The following ARHGEF10 variants were observed in gnomAD, a reference collection of about 807,000 sequenced individuals.
ARHGEF10 encodes Rho guanine nucleotide exchange factor (GEF) 10.
ARHGEF10 carries 140 observed loss-of-function variants against 147.4 expected under a neutral mutation model. The observed-to-expected ratio is 0.95, with a 90% confidence interval of 0.83 to 1.09. ARHGEF10 has a LOEUF of 1.09. ARHGEF10 is among the 50% of genes least tolerant of loss of function. ARHGEF10 has a pLI of 0.00. For missense variants in ARHGEF10, 2,222 were observed against 1,752.7 expected (o/e 1.27, Z -4.78); for synonymous variants, 902 against 695.8 (o/e 1.30, Z -4.67).
Position 1,894,528 on chromosome 8 carries a change from G to C in ARHGEF10, c.1396G>C (p.Glu466Gln), listed in dbSNP as rs143508005. 2.2e-5 allele frequency: 36 copies of C among 1,614,056 alleles called. No homozygotes were observed. Among genetic ancestry groups the C allele is most frequent in the Non-Finnish European group, 2.8e-5 (33 of 1,180,030 alleles). ...FQIALASRVS[E>Q]WDSVEMIGDV... The stretch of plus-strand genomic sequence containing the variant: ...GATCGCGCTGGCCAGCCGCGTTTCC[G>C]AGTGGGACTCCGTGGAAATGATAGG... Residue 466 changes from glutamate (E) to glutamine (Q), a missense_variant, in exon 13 of 29, where the codon GAG becomes CAG. By Grantham distance (29) the Glu-to-Gln change is conservative (BLOSUM62 2). Coordinates refer to ENST00000349830, the MANE Select transcript of ARHGEF10 (RefSeq NM_014629.4).
At chr8:1,838,785 A>C (rs79353777) in intron 1 of ARHGEF10, among the ~76,000 whole-genome samples, 8,688 of 143,232 alleles carry the variant, frequency 0.061, 367 homozygotes, top group African/African-American at 0.12. Context: ...GATGTGGGGG[A>C]CATCCAGCTT....
intron 18 of ARHGEF10, among the ~76,000 whole-genome samples, chr8:1,920,539 G>A (rs1040405452): frequency 5.3e-5 from 8 of 151,964 alleles, no homozygotes; most frequent in African/African-American, 1.9e-4. Context: ...TGTTGCCCAG[G>A]CTGGTCTTGA....
chr8:1,866,475 T>A (rs758487762), intron 5 of ARHGEF10, 51 bp from the exon 6 acceptor site: 1 of 1,559,624 alleles, frequency 6.4e-7, no homozygotes, highest in South Asian at 1.1e-5. Context: ...GGCATCCTAG[T>A]GACTTGGGCT....
intron 27 of ARHGEF10, 35 bp from the exon 28 acceptor site, chr8:1,952,670 A>T (rs780023226): frequency 6.2e-7 from 1 of 1,612,180 alleles, no homozygotes; most frequent in South Asian, 1.1e-5. Context: ...TGCTACACAA[A>T]CCAGACCCGA....
intron 1 of ARHGEF10, among the ~76,000 whole-genome samples, chr8:1,832,347 G>C (rs1803171047): frequency 6.6e-6 from 1 of 151,534 alleles, no homozygotes; most frequent in Admixed American, 6.6e-5. Context: ...GGGAGAGAGA[G>C]ACAGAGACAG....
At chr8:1,833,594 C>G (rs979709676) in intron 1 of ARHGEF10, among the ~76,000 whole-genome samples, 10 of 152,198 alleles carry the variant, frequency 6.6e-5, no homozygotes, top group Non-Finnish European at 1.2e-4. Flanking sequence ...AGCCCCCACC[C>G]CCAGGATGCT....
At chr8:1,889,875 G>C (rs566857016) in intron 11 of ARHGEF10, among the ~76,000 whole-genome samples, 15 of 143,146 alleles carry the variant, frequency 1.0e-4, no homozygotes, top group African/African-American at 3.7e-4. Context: ...AGTGTGGTGA[G>C]GGTTTGTGAG....
Position 1,893,620 on chromosome 8 carries a change from G to A in ARHGEF10, c.1234G>A (p.Val412Ile), listed in dbSNP as rs775869702. ...AGTTGTCGACAGTGAAAAGAACTAC[G>A]TAGATGCTCTTAAGAGGATTTTGGA... The part of the protein sequence containing the change: ...GSVVDSEKNY[V>I]DALKRILEQY... The change falls in exon 12 of 29, where the codon GTA (valine) becomes ATA (isoleucine). Residue 412 changes from valine to isoleucine, a missense_variant. Transcript: ENST00000349830. The A allele has an allele frequency of 8.1e-6, 13 of 1,613,190 alleles. No homozygotes were observed. Among genetic ancestry groups the A allele is most frequent in the African/African-American group, 4.0e-5 (3 of 74,894 alleles).
chr8:1,823,848 T>C (rs1392491496), upstream of ARHGEF10: 4 of 151,632 alleles, frequency 2.6e-5, no homozygotes, highest in African/African-American at 9.7e-5. Context: ...ACCGGCAGGC[T>C]CTGCGGCCAA....
chr8:1,867,060 CT>C (rs1327080075), intron 6 of ARHGEF10, among the ~76,000 whole-genome samples: 1 of 145,718 alleles, frequency 6.9e-6, no homozygotes, highest in Non-Finnish European at 1.5e-5. Flanking sequence ...TTTTACATAA[CT>C]TGGTGTTTTC....
chr8:1,903,183 A>G, intron 15 of ARHGEF10, 98 bp from the exon 16 acceptor site: 1 of 1,458,114 alleles, frequency 6.9e-7, no homozygotes, highest in Non-Finnish European at 9.6e-7. Context: ...GGCAGATGCC[A>G]CTGCCTCCTT....
chr8:1,955,001 G>C (rs1410435594), intron 28 of ARHGEF10, among the ~76,000 whole-genome samples: 1 of 143,766 alleles, frequency 7.0e-6, no homozygotes, highest in South Asian at 2.2e-4. Context: ...CTGGAGGATA[G>C]CCAGGTGCTC....
chr8:1,889,172 G>A lies in ARHGEF10; in HGVS notation c.1182+3465G>A, dbSNP rs1338907376. On this transcript the variant is annotated intron_variant, in intron 11 of 28. Coordinates refer to ENST00000349830, the MANE Select transcript of ARHGEF10 (RefSeq NM_014629.4). The stretch of plus-strand genomic sequence containing the variant: ...GTTGTGAGGAGACGCTGAGTTGGGG[G>A]GTTGTGAGGAGAGCGTGGGGTGAGG... 3.9e-5 allele frequency among the ~76,000 whole-genome samples: 3 copies of A among 76,158 alleles called. 1 individual carries two copies. Among genetic ancestry groups the A allele is most frequent in the Admixed American group, 2.8e-4 (2 of 7,098 alleles). The allele number at this position is 76,158 out of a possible 152,430, so 50.0% of individuals were successfully genotyped here.
intron 26 of ARHGEF10, among the ~76,000 whole-genome samples, chr8:1,942,619 C>G (rs1166240413): frequency 6.6e-6 from 1 of 151,852 alleles, no homozygotes; most frequent in Non-Finnish European, 1.5e-5. Flanking sequence ...TCAGAAGAAC[C>G]TGATACTCAT....
chr8:1,884,329 G>C (rs1021337943), intron 10 of ARHGEF10, among the ~76,000 whole-genome samples: 3 of 151,798 alleles, frequency 2.0e-5, no homozygotes, highest in Non-Finnish European at 4.4e-5. Context: ...CCGGGAGGCG[G>C]AGCTTGCAGT....
chr8:1,857,732 T>C (rs567598366), intron 2 of ARHGEF10, among the ~76,000 whole-genome samples: 182 of 152,080 alleles, frequency 1.2e-3, no homozygotes, highest in African/African-American at 3.9e-3. Flanking sequence ...GTTTCTTCTC[T>C]GTGAGTTGTA....
intron 1 of ARHGEF10, among the ~76,000 whole-genome samples, chr8:1,829,186 G>A (rs1225616804): frequency 6.6e-6 from 1 of 152,026 alleles, no homozygotes; most frequent in African/African-American, 2.4e-5. Context: ...TACCTGCGTG[G>A]GCCGTGTAGA....
chr8:1,879,993 C>G, intron 8 of ARHGEF10, 55 bp from the exon 9 acceptor site: 2 of 1,268,340 alleles, frequency 1.6e-6, no homozygotes, highest in Non-Finnish European at 2.3e-6. Context: ...TAAAATTGTC[C>G]CAAAGAACCA....
At chr8:1,869,807 T>C in intron 7 of ARHGEF10, 1 of 185,760 alleles carries the variant, frequency 5.4e-6, no homozygotes. Flanking sequence ...GGAACCGCTA[T>C]TCCACTGACC....
Sources: allele counts gnomAD v4.1 joint callset (sites outside exome capture counted in the v4.1 genomes callset), GRCh38; gene constraint gnomAD v4.1.1; transcripts MANE v1.5; gene names NCBI Gene and HGNC (gene_info 2026-07-23, HGNC 2026-07-21).